The following ACAP1 variants were observed in gnomAD, a reference collection of about 807,000 sequenced individuals.
The protein encoded by ACAP1 is arf-GAP with coiled-coil, ANK repeat and PH domain-containing protein 1.
Under a neutral mutation model 98.8 loss-of-function variants are expected in ACAP1, and 45 were observed. The observed-to-expected ratio is 0.46, with a 90% CI of 0.36 to 0.58. The LOEUF (loss-of-function observed/expected upper bound fraction) is 0.58, where lower values mean the gene tolerates loss of function less well. Ranked by LOEUF, ACAP1 falls within the 20% of genes least tolerant of loss-of-function variation. The probability of loss-of-function intolerance (pLI) is 0.00; values close to 1 mark genes in which losing one functional copy is unlikely to be tolerated. For synonymous variants in ACAP1, 362 were observed against 375.3 expected, an observed-to-expected ratio of 0.96 and a Z score of 0.41; for missense variants, 735 against 971.4, an observed-to-expected ratio of 0.76 and a Z score of 3.24.
intron 17 of ACAP1, 142 bp downstream of exon 17, chr17:7,348,617 G>C (rs1321289257): frequency 2.1e-6 from 2 of 945,216 alleles, no homozygotes; most frequent in African/African-American, 1.7e-5. Flanking sequence ...CAGGGGTTAC[G>C]GTGGAGTGTG....
intron 12 of ACAP1, 47 bp from the exon 13 acceptor site, chr17:7,346,761 T>A (rs1222433691): frequency 6.3e-7 from 1 of 1,575,532 alleles, no homozygotes; most frequent in Non-Finnish European, 8.6e-7. Context: ...CCACTTTGCT[T>A]CCCAGGCCTC....
chr17:7,346,626 G>A lies in ACAP1; in HGVS notation c.1007+135G>A, dbSNP rs1039740826. On this transcript the variant is annotated intron_variant, in intron 12 of 21. Transcript: ENST00000158762. ...AATTCTTTGGCGGCTGGACTGGGGG[G>A]CCATTGTGGAAGAGGGTACAGGGTG... is the stretch of plus-strand genomic sequence containing the variant. The A allele has an allele frequency of 2.1e-5, 24 of 1,158,982 alleles. No homozygotes were observed. In the African/African-American group the frequency reaches 2.5e-4, roughly 12 times the overall value. The allele number at this position is 1,158,982 out of a possible 1,614,324, so 71.8% of individuals were successfully genotyped here.
chr17:7,336,926 AC>A, intron 1 of ACAP1, 139 bp downstream of exon 1: 1 of 873,412 alleles, frequency 1.1e-6, no homozygotes, highest in Non-Finnish European at 1.8e-6. Flanking sequence ...CCAAAGTGGT[AC>A]CCCAGCTGTG....
chr17:7,347,214 C>A lies in ACAP1; in HGVS notation c.1315C>A (p.Leu439Ile). Residue 439 changes from leucine to isoleucine, a missense_variant, in exon 14 of 22, where the codon CTC becomes ATC. Transcript: ENST00000158762. ...EWASINLGVT[L>I]CIQCSGIHRS... ...GGCCAGCATCAACCTTGGTGTCACC[C>A]TCTGCATTCAGTGTTCCGGCATCCA... 1 of 1,613,628 alleles carries A rather than the reference C, an allele frequency of 6.2e-7. No homozygotes were observed.
At position 7,348,273 on chromosome 17, in the gene ACAP1, G is replaced by A. The variant is rs762160001; in HGVS notation, c.1509-33G>A. Reference sequence around the variant, plus strand: ...GGAATGGGGGACCCCTGGAGCAGAAGAGGGAAGACTGCGTGCTTCTCCCCT... The same window carrying A: ...GGAATGGGGGACCCCTGGAGCAGAAAAGGGAAGACTGCGTGCTTCTCCCCT... On this transcript the variant is annotated intron_variant, in intron 16 of 21. Transcript: ENST00000158762. The A allele has an allele frequency of 3.1e-6, 5 of 1,606,790 alleles. No homozygotes were observed. The African/African-American group carries it at 5.4e-5, about 17-fold the overall frequency.
Position 7,349,012 on chromosome 17 carries a change from C to G in ACAP1, c.1696C>G (p.Leu566Val). Residue 566 changes from leucine to valine, a missense_variant, in exon 18 of 22, where the codon CTG becomes GTG. Physicochemically the swap from Leu to Val is conservative, Grantham distance 32. Transcript: ENST00000158762. Reference sequence around the variant, plus strand: ...CCGAACAGAGCCCCCCTCTGAGGACCTGGGAAGCCTGCACCCTGGGGCCCT... The same window carrying G: ...CCGAACAGAGCCCCCCTCTGAGGACGTGGGAAGCCTGCACCCTGGGGCCCT... ...RSKPEPPSED[L>V]GSLHPGALLF... 1 of 1,613,372 alleles carries G rather than the reference C, an allele frequency of 6.2e-7. No homozygotes were observed. The highest frequency in any genetic ancestry group is 8.5e-7 in the Non-Finnish European group (1 of 1,179,914).
rs747776235 is a variant in ACAP1 at position 7,351,354 on chromosome 17, G to C, written c.2182G>C (p.Glu728Gln). ...DFSLMASDDP[E>Q]KLSRRSHDLH... ...CTCCCTCATGGCGTCAGACGACCCG[G>C]AGAAGCTGAGCCGTCGCAGTCATGA... is the stretch of plus-strand genomic sequence containing the variant. Residue 728 changes from glutamate to glutamine, a missense_variant, in exon 22 of 22, where the codon GAG becomes CAG. Coordinates refer to ENST00000158762, the MANE Select transcript of ACAP1 (RefSeq NM_014716.4). 2 of 1,613,668 alleles carry C rather than the reference G, an allele frequency of 1.2e-6. No individual in the cohort carries two copies. The highest frequency in any genetic ancestry group is 4.5e-5 in the East Asian group (2 of 44,850).
At position 7,344,768 on chromosome 17, in the gene ACAP1, T is replaced by C; in HGVS notation, c.854+120T>C. 7.3e-6 allele frequency: 5 copies of C among 682,338 alleles called. No homozygotes were observed. The highest frequency in any genetic ancestry group is 1.3e-5 in the Non-Finnish European group (5 of 391,246). 42.3% of individuals were successfully genotyped at this position (682,338 alleles called of 1,614,324 possible). A position where few individuals can be genotyped will look rare whatever the true frequency, so the allele number is the denominator to read the frequency against. ...ACCCCCCTGCCTCAGTAGAGTTTCA[T>C]TCCATCAGCAAAGACAGAGGATAAA... On this transcript the variant is annotated intron_variant, in intron 10 of 21. Transcript: ENST00000158762. This position sits in a 1 kb window ranked among gnomAD's most constrained non-coding sequence, Gnocchi z 4.9.
Position 7,339,481 on chromosome 17 carries a change from G to C in ACAP1, c.111+2112G>C, listed in dbSNP as rs538659071. 2.0e-5 allele frequency among the ~76,000 whole-genome samples: 3 copies of C among 151,770 alleles called. 1 individual carries two copies. The South Asian group carries it at 6.2e-4, about 32-fold the overall frequency. ...AAAAATTAGCCAGGCGTGGTGGCAC[G>C]CACCTGTAATCCCAGCTACTCAGGA... is the stretch of plus-strand genomic sequence containing the variant. On this transcript the variant is annotated intron_variant, in intron 2 of 21. Transcript: ENST00000158762.
intron 3 of ACAP1, 59 bp downstream of exon 3, chr17:7,342,126 G>T: frequency 1.2e-6 from 2 of 1,608,712 alleles, no homozygotes; most frequent in Non-Finnish European, 1.7e-6. Flanking sequence ...GTGATGCTGT[G>T]GAAGAGGAGG....
Position 7,347,109 on chromosome 17 carries a change from G to C in ACAP1, c.1210G>C (p.Val404Leu), listed in dbSNP as rs145239336. The C allele has an allele frequency of 4.8e-5, 77 of 1,613,758 alleles. No homozygotes were observed. In the African/African-American group the frequency reaches 9.5e-4, roughly 20 times the overall value. Residue 404 changes from valine to leucine, a missense_variant, in exon 14 of 22, where the codon GTC becomes CTC. Val to Leu is a conservative substitution (Grantham distance 32). Around this residue, in one of 5 missense-constraint regions of ACAP1, gnomAD observed 430 missense variants for 531.8 expected, o/e 0.81. Coordinates refer to ENST00000158762, the MANE Select transcript of ACAP1 (RefSeq NM_014716.4). ...GMARGREPGG[V>L]GHVVAQVQSV... ...GGCCAGGGGAAGGGAGCCTGGGGGA[G>C]TCGGGCACGTGGTGGCCCAGGTCCA...
At position 7,348,115 on chromosome 17, in the gene ACAP1, G is replaced by A. The variant is rs764327136; in HGVS notation, c.1414-12G>A. ...CCTTCCCTGTCTCTGCCTCTGCCTGGGCCTCCTGAAGCTCATGTGTGAGCT... is the reference window on the plus strand; with the variant it reads ...CCTTCCCTGTCTCTGCCTCTGCCTGAGCCTCCTGAAGCTCATGTGTGAGCT... On this transcript the variant is annotated splice_polypyrimidine_tract_variant and intron_variant, in intron 15 of 21. Transcript: ENST00000158762. The A allele has an allele frequency of 6.2e-7, 1 of 1,613,878 alleles. No homozygotes were observed. The highest frequency in any genetic ancestry group is 8.5e-7 in the Non-Finnish European group (1 of 1,179,862).
chr17:7,346,941 C>T lies in ACAP1; in HGVS notation c.1131+10C>T. 6.2e-7 allele frequency: 1 copy of T among 1,606,940 alleles called. No homozygotes were observed. Among genetic ancestry groups the T allele is most frequent in the Non-Finnish European group, 8.5e-7 (1 of 1,175,178 alleles). ...CCGGGGTCCAGGCCAGGTACCTTAA[C>T]CTGGGGGTGCGGAGCCAGGCTGCCT... On this transcript the variant is annotated intron_variant, in intron 13 of 21. Transcript: ENST00000158762.
intron 4 of ACAP1, 26 bp downstream of exon 4, chr17:7,342,354 C>T (rs774130010): frequency 3.1e-6 from 5 of 1,614,088 alleles, no homozygotes; most frequent in South Asian, 1.1e-5. Flanking sequence ...TAAGGATTGT[C>T]GGGGTGGTGG....
chr17:7,343,085 CA>C lies in ACAP1; in HGVS notation c.345-289del. The C allele has an allele frequency of 3.1e-6, 1 of 327,318 alleles. No individual in the cohort carries two copies. Among genetic ancestry groups the C allele is most frequent in the South Asian group, 5.7e-5 (1 of 17,534 alleles). 20.3% of individuals were successfully genotyped at this position (327,318 alleles called of 1,614,324 possible). A position where few individuals can be genotyped will look rare whatever the true frequency, so the allele number is the denominator to read the frequency against. On this transcript the variant is annotated intron_variant, in intron 5 of 21. Transcript: ENST00000158762. The surrounding 1 kb of genome is among the most constrained non-coding windows in gnomAD (Gnocchi z 4.9). ...ACAGAGCAAGACCCGGTCTCAAAAACAAAAACAACAACAACAACAAAAATTT... is the reference window on the plus strand; with the variant it reads ...ACAGAGCAAGACCCGGTCTCAAAAACAAAACAACAACAACAACAAAAATTT...
chr17:7,345,749 T>C (rs2073340043), intron 10 of ACAP1: 1 of 160,392 alleles, frequency 6.2e-6, no homozygotes, highest in Non-Finnish European at 1.4e-5. Context: ...GCTTCCTGGG[T>C]TCAAGCGATT....
In ACAP1 at chr17:7,344,007, C is replaced by T. The variant is rs1482179208; in HGVS notation, c.670-42C>T. ...GTAGAGGGAGGTTAGGGACTCCTAA[C>T]TGGGGGGCCTTGGACATCTGAGATG... On this transcript the variant is annotated intron_variant, in intron 8 of 21. Transcript: ENST00000158762. The surrounding 1 kb of genome is among the most constrained non-coding windows in gnomAD (Gnocchi z 4.9). 1.3e-6 allele frequency: 2 copies of T among 1,576,186 alleles called. No individual in the cohort carries two copies. Among genetic ancestry groups the T allele is most frequent in the Non-Finnish European group, 1.7e-6 (2 of 1,160,314 alleles).
intron 2 of ACAP1, among the ~76,000 whole-genome samples, chr17:7,338,545 A>C (rs2073243628): frequency 6.6e-6 from 1 of 151,008 alleles, no homozygotes; most frequent in Non-Finnish European, 1.5e-5. Context: ...TTACAGGCTT[A>C]AGCCACCGCA....
In ACAP1 at chr17:7,346,396, T is replaced by A; in HGVS notation, c.912T>A (p.Pro304=). 1 of 1,613,926 alleles carries A rather than the reference T, an allele frequency of 6.2e-7. No homozygotes were observed. Among genetic ancestry groups the A allele is most frequent in the South Asian group, 1.1e-5 (1 of 91,060 alleles). ...QLVYQKKYKD[P]VTVVVDDLRL... is the part of the protein sequence containing the mutation. ...TTATCACCTTATCCTGCCAGGACCC[T>A]GTGACTGTGGTGGTGGATGACCTTC... Residue 304 remains proline, a synonymous_variant, in exon 12 of 22, where the codon CCT becomes CCA. Transcript: ENST00000158762.
Sources: gnomAD v4.1 joint callset for allele counts (sites outside exome capture counted in the v4.1 genomes callset) on GRCh38, gnomAD v4.1.1 for gene constraint, gnomAD v4.1.1 regional missense constraint, Gnocchi (gnomAD v3.1) non-coding constraint, MANE v1.5 for transcripts, NCBI Gene and HGNC (gene_info 2026-07-23, HGNC 2026-07-21) for gene names.